Variants in HS6ST1 observed in about 807,000 individuals in gnomAD.
HS6ST1 encodes the protein heparan sulfate 6-O-sulfotransferase 1, also known as heparan-sulfate 6-O-sulfotransferase 1.
HS6ST1 carries 3 observed loss-of-function variants against 25.2 expected under a neutral mutation model. That is an observed-to-expected ratio of 0.12 (90% confidence interval 0.05 to 0.31). The LOEUF (loss-of-function observed/expected upper bound fraction) is 0.31, where lower values mean the gene tolerates loss of function less well. HS6ST1 is among the 10% of genes least tolerant of loss of function. The probability of loss-of-function intolerance (pLI) is 1.00; values close to 1 mark genes in which losing one functional copy is unlikely to be tolerated. For synonymous variants in HS6ST1, 204 were observed against 275.1 expected (o/e 0.74, Z 2.56); for missense variants, 310 against 609.6 (o/e 0.51, Z 5.18).
intron 1 of HS6ST1, among the ~76,000 whole-genome samples, chr2:128,302,468 A>C (rs764264889): frequency 6.6e-6 from 1 of 152,024 alleles, no homozygotes; most frequent in Non-Finnish European, 1.5e-5. Flanking sequence ...CAGCCCTGTG[A>C]CCATCTGCAG....
intron 1 of HS6ST1, 150 bp downstream of exon 1, chr2:128,317,887 C>T (rs1694398109): frequency 1.1e-6 from 1 of 917,410 alleles, no homozygotes; most frequent in South Asian, 2.8e-5. Flanking sequence ...CTCGGGCGCT[C>T]GGCAGGTCGG....
chr2:128,284,956 T>G (rs1217091088), intron 1 of HS6ST1, among the ~76,000 whole-genome samples: 2 of 152,196 alleles, frequency 1.3e-5, no homozygotes, highest in Non-Finnish European at 2.9e-5. Flanking sequence ...GTGCTCCTCC[T>G]TGGAGGCTTC....
Position 128,318,071 on chromosome 2 carries a change from C to T in HS6ST1, c.493G>A (p.Asp165Asn). ...ELTNCVPGVLDRRDSAALRTP... is the reference protein window; with the variant it reads ...ELTNCVPGVLNRRDSAALRTP... ...CGCAGCGCGGCGGAGTCGCGGCGGT[C>T]CAGCACGCCGGGCACGCAGTTGGTG... Residue 165 changes from aspartate (D) to asparagine (N), a missense_variant, in exon 1 of 2, where the codon GAC (aspartate) becomes AAC (asparagine). Around this residue, in one of 5 missense-constraint regions of HS6ST1, gnomAD observed 98 missense variants for 270.3 expected, o/e 0.36. Transcript: ENST00000259241. This position sits in a 1 kb window ranked among gnomAD's most constrained non-coding sequence, Gnocchi z 5.7. The T allele has an allele frequency of 6.5e-7, 1 of 1,528,680 alleles. No individual in the cohort carries two copies. The highest frequency in any genetic ancestry group is 1.2e-5 in the South Asian group (1 of 83,288). The allele number at this position is 1,528,680 out of a possible 1,614,324, so 94.7% of individuals were successfully genotyped here.
intron 1 of HS6ST1, among the ~76,000 whole-genome samples, chr2:128,299,407 C>T (rs1694088969): frequency 6.6e-6 from 1 of 152,266 alleles, no homozygotes; most frequent in African/African-American, 2.4e-5. Flanking sequence ...GCAAATTATG[C>T]TGCTGAGGCT....
At position 128,318,507 on chromosome 2, in the gene HS6ST1, C is replaced by T. The variant is rs1260158717; in HGVS notation, c.57G>A (p.Val19=). 6.5e-7 allele frequency: 1 copy of T among 1,540,386 alleles called. No homozygotes were observed. Among genetic ancestry groups the T allele is most frequent in the Non-Finnish European group, 8.7e-7 (1 of 1,147,550 alleles). Residue 19 remains valine, a synonymous_variant, in exon 1 of 2, where the codon GTG becomes GTA. Coordinates refer to ENST00000259241, the MANE Select transcript of HS6ST1 (RefSeq NM_004807.3). This position sits in a 1 kb window ranked among gnomAD's most constrained non-coding sequence, Gnocchi z 5.7. Reference sequence around the variant, plus strand: ...AGCACACCGAGCCCGCCACCACCAGCACGAACTTGCTGGCGCGCTCAACCA... The same window carrying T: ...AGCACACCGAGCCCGCCACCACCAGTACGAACTTGCTGGCGCGCTCAACCA... ...RTMVERASKF[V]LVVAGSVCFM... is the part of the protein sequence containing the mutation.
intron 1 of HS6ST1, among the ~76,000 whole-genome samples, chr2:128,282,328 G>A (rs1175016963): frequency 6.6e-6 from 1 of 152,248 alleles, no homozygotes; most frequent in Non-Finnish European, 1.5e-5. Context: ...GCACCAGAGG[G>A]ACAGAGCCGA....
chr2:128,291,999 G>A (rs936397393), intron 1 of HS6ST1, among the ~76,000 whole-genome samples: 2 of 152,222 alleles, frequency 1.3e-5, no homozygotes, highest in South Asian at 4.1e-4. Context: ...CCATCCTAGG[G>A]TGGCTGTGTG....
chr2:128,291,750 C>T (rs575351172), intron 1 of HS6ST1, among the ~76,000 whole-genome samples: 5 of 152,356 alleles, frequency 3.3e-5, no homozygotes, highest in African/African-American at 9.6e-5. Context: ...CCTCCTCTTT[C>T]CACGGGGAGG....
chr2:128,305,104 C>T (rs887622538), intron 1 of HS6ST1, among the ~76,000 whole-genome samples: 1 of 152,216 alleles, frequency 6.6e-6, no homozygotes, highest in African/African-American at 2.4e-5. Flanking sequence ...TGACCCATTG[C>T]CTGCCTGGGT....
chr2:128,279,387 C>T (rs902617087), intron 1 of HS6ST1, among the ~76,000 whole-genome samples: 5 of 132,698 alleles, frequency 3.8e-5, no homozygotes, highest in Non-Finnish European at 6.2e-5. Flanking sequence ...GACTCAGTTA[C>T]TGAAAGAAAA....
At chr2:128,309,480 C>T (rs370608245) in intron 1 of HS6ST1, among the ~76,000 whole-genome samples, 130 of 152,372 alleles carry the variant, frequency 8.5e-4, no homozygotes, top group African/African-American at 3.1e-3. Context: ...AGGCCTGCCC[C>T]AGCAGGAGGC....
At chr2:128,301,153 G>A (rs989473127) in intron 1 of HS6ST1, among the ~76,000 whole-genome samples, 1 of 152,096 alleles carries the variant, frequency 6.6e-6, no homozygotes, top group East Asian at 1.9e-4. Context: ...CCGCCCCTCT[G>A]TGTGGGACTG....
chr2:128,302,743 G>C (rs1390007449), intron 1 of HS6ST1, among the ~76,000 whole-genome samples: 1 of 152,152 alleles, frequency 6.6e-6, no homozygotes, highest in East Asian at 1.9e-4. Flanking sequence ...CTTGAGGCTA[G>C]GTCTCCCATT....
intron 1 of HS6ST1, among the ~76,000 whole-genome samples, chr2:128,280,272 C>T (rs566878328): frequency 3.3e-5 from 5 of 152,376 alleles, no homozygotes; most frequent in Admixed American, 2.6e-4. Context: ...CGGGTGGCTG[C>T]CTCCTCTTTC....
At chr2:128,316,182 G>A (rs753589500) in intron 1 of HS6ST1, among the ~76,000 whole-genome samples, 4 of 152,246 alleles carry the variant, frequency 2.6e-5, no homozygotes, top group Non-Finnish European at 5.9e-5. Flanking sequence ...GAGAAAGGAG[G>A]CCAAGGCTCT....
At position 128,299,966 on chromosome 2, in the gene HS6ST1, C is replaced by T. The variant is rs539524459; in HGVS notation, c.527+18071G>A. 8.5e-5 allele frequency among the ~76,000 whole-genome samples: 13 copies of T among 152,246 alleles called. 1 individual carries two copies. Among genetic ancestry groups the T allele is most frequent in the African/African-American group, 2.4e-4 (10 of 41,544 alleles). On this transcript the variant is annotated intron_variant, in intron 1 of 1. Transcript: ENST00000259241. ...GCAGAGGGCTACCCCACCTCCAGGC[C>T]GGGGTCTTGCCAGCCGCTTCCCATC... is the stretch of plus-strand genomic sequence containing the variant.
chr2:128,273,888 A>G (rs1448802086), intron 1 of HS6ST1, among the ~76,000 whole-genome samples: 3 of 152,200 alleles, frequency 2.0e-5, no homozygotes, highest in African/African-American at 7.2e-5. Context: ...GCTCTCTGAC[A>G]TGTGCTCTCT....
In HS6ST1 at chr2:128,268,813, C is replaced by T. The variant is rs1450138842; in HGVS notation, c.585G>A (p.Trp195Ter). The T allele has an allele frequency of 1.2e-6, 2 of 1,612,806 alleles. No homozygotes were observed. The highest frequency in any genetic ancestry group is 1.7e-6 in the Non-Finnish European group (2 of 1,179,898). ...ACGTGGCACCCCTCTGCACATGCCGCCACTCGCTCAGGTAGCGGGACACGG... is the reference window on the plus strand; with the variant it reads ...ACGTGGCACCCCTCTGCACATGCCGTCACTCGCTCAGGTAGCGGGACACGG... Reference protein sequence around the residue: ...RDPVSRYLSEWRHVQRGATWK... With the variant: ...RDPVSRYLSE The change falls in exon 2 of 2, where the codon TGG becomes TGA. Residue 195 changes from tryptophan to a stop codon, truncating the protein, a stop_gained. Transcript: ENST00000259241. LOFTEE classifies it high-confidence loss of function.
chr2:128,299,100 C>A (rs1011238459), intron 1 of HS6ST1, among the ~76,000 whole-genome samples: 2 of 152,258 alleles, frequency 1.3e-5, no homozygotes, highest in Non-Finnish European at 2.9e-5. Context: ...TGGCCCAGGG[C>A]CGAGGTGTGA....
Sources: allele counts gnomAD v4.1 joint callset (sites outside exome capture counted in the v4.1 genomes callset), GRCh38; gene constraint gnomAD v4.1.1; regional missense constraint gnomAD v4.1.1; non-coding constraint Gnocchi (gnomAD v3.1); transcripts MANE v1.5; gene names NCBI Gene and HGNC (gene_info 2026-07-23, HGNC 2026-07-21).